Variants in IFT52 observed in about 807,000 individuals in gnomAD.
IFT52 encodes intraflagellar transport protein 52 homolog.
A neutral mutation model predicts 54.4 loss-of-function variants in IFT52; 44 were observed. That is an observed-to-expected ratio of 0.81 (90% CI 0.63 to 1.04). The LOEUF is 1.04. Ranked by LOEUF, IFT52 falls within the 50% of genes least tolerant of loss-of-function variation. The probability of loss-of-function intolerance (pLI) is 0.00; values close to 1 mark genes in which losing one functional copy is unlikely to be tolerated. For synonymous variants in IFT52, 181 were observed against 185.3 expected (o/e 0.98, Z 0.19); for missense variants, 452 against 523.6 (o/e 0.86, Z 1.33).
chr20:43,617,212 A>AT (rs1261317557), intron 7 of IFT52, among the ~76,000 whole-genome samples: 1 of 152,114 alleles, frequency 6.6e-6, no homozygotes, highest in Non-Finnish European at 1.5e-5. Flanking sequence ...TGGGCATAGA[A>AT]TTTTTTATGT....
chr20:43,635,455 C>A (rs975590163), intron 10 of IFT52, among the ~76,000 whole-genome samples: 6 of 152,122 alleles, frequency 3.9e-5, no homozygotes, highest in African/African-American at 1.4e-4. Flanking sequence ...AGCCACCACA[C>A]CCGGCTAATT....
At chr20:43,605,332 A>G in intron 6 of IFT52, 1 of 725,342 alleles carries the variant, frequency 1.4e-6, no homozygotes, top group Non-Finnish European at 1.9e-6. Context: ...GGCCCACCTG[A>G]GGTCAGGAGT....
At chr20:43,593,012 T>C (rs1046516335) in intron 1 of IFT52, among the ~76,000 whole-genome samples, 2 of 152,136 alleles carry the variant, frequency 1.3e-5, no homozygotes, top group African/African-American at 4.8e-5. Context: ...AGTGGGATGA[T>C]TGCTTGAGCC....
intron 7 of IFT52, chr20:43,618,248 G>T (rs1984006752): frequency 6.7e-6 from 1 of 149,360 alleles, no homozygotes; most frequent in Admixed American, 6.7e-5. Flanking sequence ...TAGAGACAGG[G>T]TTTCCCAGGC....
Position 43,605,281 on chromosome 20 carries a change from C to T in IFT52, c.485+208C>T. The stretch of plus-strand genomic sequence containing the variant: ...AGTATTTAGGCCCAGCATGGTGGCT[C>T]ACGCCTGTAATCCTAGCACTTTTGG... On this transcript the variant is annotated intron_variant, in intron 6 of 13. Transcript: ENST00000373030. 8 of 1,268,130 alleles carry T rather than the reference C, an allele frequency of 6.3e-6. No individual in the cohort carries two copies. In the South Asian group the frequency reaches 6.5e-5, roughly 10 times the overall value. 78.6% of individuals were successfully genotyped at this position (1,268,130 alleles called of 1,614,324 possible).
intron 3 of IFT52, among the ~76,000 whole-genome samples, chr20:43,598,291 TG>T (rs1982161895): frequency 6.6e-6 from 1 of 152,100 alleles, no homozygotes; most frequent in Admixed American, 6.6e-5. Flanking sequence ...TGCCAGGGCC[TG>T]GGGGAGGTGG....
chr20:43,621,179 T>C, intron 9 of IFT52: 1 of 300,794 alleles, frequency 3.3e-6, no homozygotes. Flanking sequence ...GAATTTAAAT[T>C]ATGGGCACTC....
chr20:43,599,492 C>T (rs1982258594), intron 3 of IFT52, among the ~76,000 whole-genome samples: 1 of 152,170 alleles, frequency 6.6e-6, no homozygotes, highest in Admixed American at 6.5e-5. Flanking sequence ...TGACACCATA[C>T]CTTCTCTTTA....
intron 10 of IFT52, among the ~76,000 whole-genome samples, chr20:43,626,642 T>C (rs184147822): frequency 6.6e-6 from 1 of 152,268 alleles, no homozygotes; most frequent in Non-Finnish European, 1.5e-5. Flanking sequence ...GGATGAATCT[T>C]AACAATAGAT....
intron 3 of IFT52, among the ~76,000 whole-genome samples, chr20:43,602,128 T>G (rs1982494770): frequency 8.3e-6 from 1 of 121,168 alleles, no homozygotes; most frequent in Non-Finnish European, 1.8e-5. Flanking sequence ...GAAATGGACT[T>G]TGAGCTGATT....
intron 3 of IFT52, among the ~76,000 whole-genome samples, chr20:43,598,685 G>A (rs1356295216): frequency 3.3e-5 from 5 of 152,054 alleles, no homozygotes; most frequent in Non-Finnish European, 5.9e-5. Context: ...CAGAGACCCT[G>A]TCTGAAAAGA....
At chr20:43,624,498 G>A (rs749126032) in intron 10 of IFT52, among the ~76,000 whole-genome samples, 1 of 152,160 alleles carries the variant, frequency 6.6e-6, no homozygotes, top group Non-Finnish European at 1.5e-5. Flanking sequence ...AGTCTAGTGC[G>A]GATGTGCAGG....
intron 2 of IFT52, among the ~76,000 whole-genome samples, chr20:43,595,662 G>A (rs1259631438): frequency 6.6e-6 from 1 of 152,198 alleles, no homozygotes; most frequent in Non-Finnish European, 1.5e-5. Flanking sequence ...GAAGCAGGCA[G>A]ATCACTAGAG....
chr20:43,620,381 G>C (rs1984198194), intron 8 of IFT52, among the ~76,000 whole-genome samples: 1 of 152,150 alleles, frequency 6.6e-6, no homozygotes, highest in South Asian at 2.1e-4. Flanking sequence ...CATTATGCTG[G>C]TCATGGCAGC....
chr20:43,606,296 T>C (rs6130425), intron 6 of IFT52, among the ~76,000 whole-genome samples: 122,230 of 140,822 alleles, frequency 0.87, 53,291 homozygotes, highest in African/African-American at 0.95. Flanking sequence ...TTTTTTGAGA[T>C]GGAGTCTCAC....
chr20:43,615,213 T>C (rs141680255), intron 7 of IFT52, among the ~76,000 whole-genome samples: 1,711 of 152,006 alleles, frequency 0.011, 25 homozygotes, highest in African/African-American at 0.031. Context: ...CTGCTAATTT[T>C]TGTATTTTAA....
chr20:43,603,486 GAGTGCTTCCTTTAGTTA>G (rs1427960502), intron 3 of IFT52, among the ~76,000 whole-genome samples: 1 of 152,144 alleles, frequency 6.6e-6, no homozygotes, highest in African/African-American at 2.4e-5. Flanking sequence ...ATGGAGAACT[GAGTGCTTCCTTTAGTTA>G]AGTTTTTCAC....
chr20:43,632,238 AATATT>A (rs1282343090), intron 10 of IFT52, among the ~76,000 whole-genome samples: 2 of 146,198 alleles, frequency 1.4e-5, no homozygotes, highest in African/African-American at 5.1e-5. Context: ...TTGTCTTCTT[AATATT>A]TATCAGTTCC....
chr20:43,622,749 A>G (rs1395869323), intron 9 of IFT52, among the ~76,000 whole-genome samples: 1 of 95,110 alleles, frequency 1.1e-5, no homozygotes, highest in Non-Finnish European at 2.1e-5. Context: ...ATTTTTATGT[A>G]AATATAAATA....
Sources: allele counts gnomAD v4.1 joint callset (sites outside exome capture counted in the v4.1 genomes callset), GRCh38; gene constraint gnomAD v4.1.1; transcripts MANE v1.5; gene names NCBI Gene and HGNC (gene_info 2026-07-23, HGNC 2026-07-21).